Variants in CEP63 observed in about 807,000 individuals in gnomAD.
The protein encoded by CEP63 is centrosomal protein of 63 kDa.
A neutral mutation model predicts 89.1 loss-of-function variants in CEP63; 84 were observed. The ratio of observed to expected loss-of-function variants is 0.94; its 90% CI spans 0.79 to 1.13. The LOEUF is 1.13. Among genes scored for constraint, CEP63 ranks in the 50% most tolerant of loss-of-function variants. CEP63 has a pLI of 0.00. For missense variants in CEP63, 838 were observed against 813.3 expected, an observed-to-expected ratio of 1.03 and a Z score of -0.37; for synonymous variants, 267 against 272.5, an observed-to-expected ratio of 0.98 and a Z score of 0.20.
At chr3:134,751,959 G>A in the CEP63 span, among the ~76,000 whole-genome samples, 51 of 152,242 alleles carry the variant, frequency 3.3e-4, 1 homozygote, top group Middle Eastern at 0.014. Context: ...TTCTGGCTGC[G>A]TTCCTAGAAG....
chr3:134,682,532 G>A, the CEP63 span, among the ~76,000 whole-genome samples: 2 of 152,120 alleles, frequency 1.3e-5, no homozygotes, highest in African/African-American at 4.8e-5. Context: ...TTTCTGAATC[G>A]CTACTTCTGT....
At chr3:134,486,394 C>T (rs2107733130) in intron 1 of CEP63, 192 bp downstream of exon 1, 1 of 985,510 alleles carries the variant, frequency 1.0e-6, no homozygotes, top group Non-Finnish European at 1.2e-6. Context: ...GCGTCCCCGC[C>T]GGCTTGGGTC....
At position 134,562,343 on chromosome 3, in the gene CEP63, CCCT is replaced by C. The variant is rs1957432411; in HGVS notation, c.*809_*811del. The C allele has an allele frequency of 4.6e-6, 2 of 433,344 alleles. No homozygotes were observed. The highest frequency in any genetic ancestry group is 1.9e-4 in the South Asian group (2 of 10,410). 26.8% of individuals were successfully genotyped at this position (433,344 alleles called of 1,614,324 possible). A position where few individuals can be genotyped will look rare whatever the true frequency, so the allele number is the denominator to read the frequency against. On this transcript the variant is annotated 3_prime_UTR_variant, in exon 15 of 15. Transcript: ENST00000675561. ...GAGGAGCAGGAGGCTGGGTTTGGGG[CCCT>C]GAAAGATGCCAGCATCTGAGGATCA...
the CEP63 span, among the ~76,000 whole-genome samples, chr3:134,714,489 G>A: frequency 6.6e-6 from 1 of 152,204 alleles, no homozygotes. Flanking sequence ...AACAGCACAG[G>A]CCCCGGCCCC....
At chr3:134,572,464 T>C (rs1161724718) in intron 11 of CEP63, among the ~76,000 whole-genome samples, 1 of 152,204 alleles carries the variant, frequency 6.6e-6, no homozygotes, top group East Asian at 1.9e-4. Flanking sequence ...TGTCCGTTAC[T>C]ACCCAATGTC....
chr3:134,734,788 G>A, the CEP63 span, among the ~76,000 whole-genome samples: 1 of 152,102 alleles, frequency 6.6e-6, no homozygotes, highest in Non-Finnish European at 1.5e-5. Context: ...AGAAGACAGA[G>A]GGTTAGGTTC....
intron 3 of CEP63, among the ~76,000 whole-genome samples, chr3:134,513,495 G>A (rs1164914993): frequency 6.6e-6 from 1 of 152,148 alleles, no homozygotes; most frequent in East Asian, 1.9e-4. Flanking sequence ...AATTTTGCTT[G>A]AAGTAAAATG....
At chr3:134,761,921 T>A in the CEP63 span, among the ~76,000 whole-genome samples, 1 of 152,324 alleles carries the variant, frequency 6.6e-6, no homozygotes, top group African/African-American at 2.4e-5. Flanking sequence ...AACACTGGAC[T>A]TCATTTACTC....
At position 134,558,149 on chromosome 3, in the gene CEP63, A is replaced by G. The variant is rs1956620607; in HGVS notation, c.1475A>G (p.Glu492Gly). ...AGTATTCTTTTTTATTAGGCAAAAG[A>G]GATTTCACTAGCAGACCTCCAGGAG... ...KLELGLHEAK[E>G]ISLADLQENY... Residue 492 changes from glutamate to glycine, a missense_variant, in exon 13 of 15, where the codon GAG (glutamate) becomes GGG (glycine). Physicochemically the swap from Glu to Gly is moderately conservative, Grantham distance 98. Coordinates refer to ENST00000675561, the MANE Select transcript of CEP63 (RefSeq NM_001353108.3). 3 of 1,612,770 alleles carry G rather than the reference A, an allele frequency of 1.9e-6. No homozygotes were observed. The East Asian group carries it at 6.7e-5, about 36-fold the overall frequency.
the CEP63 span, among the ~76,000 whole-genome samples, chr3:134,747,939 C>G: frequency 1.3e-5 from 2 of 152,170 alleles, no homozygotes; most frequent in Admixed American, 1.3e-4. Context: ...GTGCCCGCCA[C>G]CATGCCCGGC....
chr3:134,620,652 T>C, the CEP63 span: 12 of 831,206 alleles, frequency 1.4e-5, no homozygotes, highest in Non-Finnish European at 2.0e-5. Context: ...CCACCTTTCA[T>C]GTCACTCTGC....
the CEP63 span, among the ~76,000 whole-genome samples, chr3:134,597,333 C>T: frequency 6.6e-6 from 1 of 152,048 alleles, no homozygotes; most frequent in East Asian, 1.9e-4. Flanking sequence ...ATGTAGAGGC[C>T]GCTGTCCCTT....
At chr3:134,718,736 C>A in the CEP63 span, among the ~76,000 whole-genome samples, 1 of 152,192 alleles carries the variant, frequency 6.6e-6, no homozygotes, top group Non-Finnish European at 1.5e-5. Flanking sequence ...CAAACCATGG[C>A]TTCTCCTTCC....
the CEP63 span, among the ~76,000 whole-genome samples, chr3:134,771,693 G>A: frequency 2.0e-5 from 3 of 152,306 alleles, no homozygotes; most frequent in South Asian, 6.2e-4. Flanking sequence ...AATATAGATG[G>A]GTTGATGGGT....
At chr3:134,539,294 A>G (rs1169855349) in intron 6 of CEP63, among the ~76,000 whole-genome samples, 1 of 152,194 alleles carries the variant, frequency 6.6e-6, no homozygotes, top group East Asian at 1.9e-4. Context: ...TGTATAGTAT[A>G]GTAATGTTAA....
chr3:134,507,351 CTTAA>C, intron 3 of CEP63, 65 bp downstream of exon 3: 1 of 1,245,814 alleles, frequency 8.0e-7, no homozygotes, highest in Non-Finnish European at 1.2e-6. Context: ...AAATGTGTTT[CTTAA>C]GTATTTGTTG....
the CEP63 span, chr3:134,615,426 C>T: frequency 2.0e-5 from 3 of 146,602 alleles, no homozygotes; most frequent in Non-Finnish European, 3.0e-5. Flanking sequence ...TCATATTCCT[C>T]ATAGCTGACA....
chr3:134,766,720 T>C, the CEP63 span, among the ~76,000 whole-genome samples: 1 of 152,192 alleles, frequency 6.6e-6, no homozygotes, highest in East Asian at 1.9e-4. Context: ...AAATCACATG[T>C]AAGCGGAGGG....
At chr3:134,705,078 C>A in the CEP63 span, among the ~76,000 whole-genome samples, 18 of 152,302 alleles carry the variant, frequency 1.2e-4, no homozygotes, top group South Asian at 3.5e-3. Context: ...ACAAAAATAA[C>A]CTGCAAGAGG....
Sources: gnomAD v4.1 joint callset for allele counts (sites outside exome capture counted in the v4.1 genomes callset) on GRCh38, gnomAD v4.1.1 for gene constraint, MANE v1.5 for transcripts, NCBI Gene and HGNC (gene_info 2026-07-23, HGNC 2026-07-21) for gene names.